The following DLGAP2 variants were observed in gnomAD, a reference collection of about 807,000 sequenced individuals.
The protein encoded by DLGAP2 is disks large-associated protein 2.
DLGAP2 carries 26 observed loss-of-function variants against 100.3 expected under a neutral mutation model. The ratio of observed to expected loss-of-function variants is 0.26; its 90% confidence interval spans 0.19 to 0.36. The LOEUF (loss-of-function observed/expected upper bound fraction) is 0.36. Among genes scored for constraint, DLGAP2 ranks in the 10% least tolerant of loss-of-function variants. DLGAP2 has a pLI of 1.00. For missense variants in DLGAP2, 1,858 were observed against 1,453.2 expected, an observed-to-expected ratio of 1.28 and a Z score of -4.53; for synonymous variants, 886 against 630.1, an observed-to-expected ratio of 1.41 and a Z score of -6.08.
chr8:1,678,083 A>AAAAC, intron 11 of DLGAP2, 131 bp from the exon 12 acceptor site: 1 of 1,024,862 alleles, frequency 9.8e-7, no homozygotes, highest in Non-Finnish European at 1.4e-6. Context: ...TTTCACAAAC[A>AAAAC]AAACACTACC....
intron 3 of DLGAP2, among the ~76,000 whole-genome samples, chr8:1,337,482 G>C (rs796593464): frequency 6.8e-6 from 1 of 147,112 alleles, no homozygotes; most frequent in South Asian, 2.2e-4. Context: ...TGATGGGGAT[G>C]GGGATGATAG....
chr8:1,546,292 T>C (rs575287043), intron 4 of DLGAP2, among the ~76,000 whole-genome samples: 1 of 152,336 alleles, frequency 6.6e-6, no homozygotes, highest in East Asian at 1.9e-4. Context: ...TGTGAGAATA[T>C]GCAGGAGCAA....
intron 2 of DLGAP2, among the ~76,000 whole-genome samples, chr8:1,130,419 C>G (rs1332453260): frequency 6.6e-6 from 1 of 152,126 alleles, no homozygotes; most frequent in African/African-American, 2.4e-5. Context: ...ACAATATCAA[C>G]AAGATAAACC....
intron 2 of DLGAP2, among the ~76,000 whole-genome samples, chr8:1,255,437 C>T (rs1444534261): frequency 2.2e-5 from 3 of 139,178 alleles, no homozygotes; most frequent in Non-Finnish European, 3.1e-5. Context: ...CCTCATCCTG[C>T]CCGAGCACTG....
chr8:1,110,467 G>T (rs1337308014), intron 2 of DLGAP2, among the ~76,000 whole-genome samples: 2 of 150,930 alleles, frequency 1.3e-5, no homozygotes, highest in African/African-American at 4.9e-5. Context: ...GGGTGTGCAT[G>T]GGTCTGTGAC....
At chr8:883,923 G>C (rs918557666) in intron 1 of DLGAP2, among the ~76,000 whole-genome samples, 5 of 152,172 alleles carry the variant, frequency 3.3e-5, no homozygotes, top group Non-Finnish European at 5.9e-5. Context: ...AGTTTGCTGA[G>C]GATAATGGCT....
chr8:901,850 T>C (rs1352060997), intron 1 of DLGAP2, among the ~76,000 whole-genome samples: 1 of 152,174 alleles, frequency 6.6e-6, no homozygotes, highest in Non-Finnish European at 1.5e-5. Context: ...CCCTGTAACA[T>C]TGTTGCTCCC....
intron 1 of DLGAP2, among the ~76,000 whole-genome samples, chr8:768,707 G>A (rs1039603649): frequency 2.6e-5 from 4 of 152,088 alleles, no homozygotes; most frequent in Non-Finnish European, 5.9e-5. Flanking sequence ...TACAGATGGC[G>A]CTGATAATCT....
intron 2 of DLGAP2, among the ~76,000 whole-genome samples, chr8:1,050,979 G>A (rs1293571526): frequency 2.4e-5 from 1 of 41,914 alleles, no homozygotes; most frequent in African/African-American, 9.5e-5. Flanking sequence ...CGTGGGTGGG[G>A]GTCATTTCGT....
At chr8:1,612,538 A>C (rs1293669110) in intron 6 of DLGAP2, among the ~76,000 whole-genome samples, 3 of 131,268 alleles carry the variant, frequency 2.3e-5, no homozygotes, top group South Asian at 2.9e-4. Context: ...AAAATTGACA[A>C]ATGGGATCTA....
At chr8:965,521 C>T (rs1285241437) in intron 2 of DLGAP2, among the ~76,000 whole-genome samples, 3 of 135,000 alleles carry the variant, frequency 2.2e-5, no homozygotes, top group East Asian at 2.3e-4. Flanking sequence ...CTGACCCCTG[C>T]GCTGCACACG....
At chr8:1,627,816 G>A (rs1179621949) in intron 7 of DLGAP2, among the ~76,000 whole-genome samples, 2 of 150,886 alleles carry the variant, frequency 1.3e-5, no homozygotes, top group Non-Finnish European at 2.9e-5. Context: ...CATTCTCTCT[G>A]ACTTACTGTG....
At chr8:1,528,300 C>A (rs903767710) in intron 4 of DLGAP2, among the ~76,000 whole-genome samples, 1 of 152,218 alleles carries the variant, frequency 6.6e-6, no homozygotes, top group Non-Finnish European at 1.5e-5. Flanking sequence ...CCCAGGAGGA[C>A]CTGAGCCCAC....
intron 1 of DLGAP2, among the ~76,000 whole-genome samples, chr8:789,088 C>A (rs923679131): frequency 3.3e-5 from 5 of 152,206 alleles, no homozygotes; most frequent in African/African-American, 4.8e-5. Context: ...ACTTTGGACA[C>A]AAAACACAGT....
At chr8:1,018,311 A>G (rs1801530917) in intron 2 of DLGAP2, among the ~76,000 whole-genome samples, 1 of 152,212 alleles carries the variant, frequency 6.6e-6, no homozygotes, top group Admixed American at 6.5e-5. Flanking sequence ...GTGTGTGACT[A>G]AACTGAGCTG....
At chr8:896,755 A>G (rs1798150666) in intron 1 of DLGAP2, among the ~76,000 whole-genome samples, 2 of 152,098 alleles carry the variant, frequency 1.3e-5, no homozygotes, top group African/African-American at 4.8e-5. Context: ...TCCGCGCTGG[A>G]CCTGCAGCCT....
chr8:743,040 C>G (rs946508578), intron 1 of DLGAP2, among the ~76,000 whole-genome samples: 2 of 152,202 alleles, frequency 1.3e-5, no homozygotes, highest in Non-Finnish European at 2.9e-5. Flanking sequence ...TCAAGCAACT[C>G]TTTGATTTCT....
At chr8:1,580,298 A>T (rs949941113) in intron 6 of DLGAP2, among the ~76,000 whole-genome samples, 1 of 152,214 alleles carries the variant, frequency 6.6e-6, no homozygotes, top group African/African-American at 2.4e-5. Flanking sequence ...AAAGAGGCAG[A>T]GGGAAAGACC....
At chr8:1,633,811 C>A (rs376209677) in intron 8 of DLGAP2, among the ~76,000 whole-genome samples, 9 of 152,184 alleles carry the variant, frequency 5.9e-5, no homozygotes, top group African/African-American at 2.2e-4. Flanking sequence ...GCTTGGAATG[C>A]TGCAGCTGTA....
Sources: gnomAD v4.1 joint callset for allele counts (sites outside exome capture counted in the v4.1 genomes callset) on GRCh38, gnomAD v4.1.1 for gene constraint, MANE v1.5 for transcripts, NCBI Gene and HGNC (gene_info 2026-07-23, HGNC 2026-07-21) for gene names.